The following PMVK variants were observed in gnomAD, a reference collection of about 807,000 sequenced individuals.
PMVK encodes the protein phosphomevalonate kinase.
In PMVK, 10 loss-of-function variants were observed where a neutral mutation model predicts 19.0. The ratio of observed to expected loss-of-function variants is 0.53; its 90% CI spans 0.32 to 0.89. PMVK has a LOEUF of 0.89. Among genes scored for constraint, PMVK ranks in the 40% least tolerant of loss-of-function variants. The probability of loss-of-function intolerance (pLI) is 0.03; values close to 1 mark genes in which losing one functional copy is unlikely to be tolerated. For missense variants in PMVK, 222 were observed against 251.1 expected, an observed-to-expected ratio of 0.88 and a Z score of 0.78; for synonymous variants, 108 against 101.6, an observed-to-expected ratio of 1.06 and a Z score of -0.38.
At chr1:154,939,279 G>T (rs186639829), upstream of PMVK, among the ~76,000 whole-genome samples, 1 of 152,020 alleles carries the variant, frequency 6.6e-6, no homozygotes, top group African/African-American at 2.4e-5. Context: ...AACCCTCCAA[G>T]GTCACTTGCT....
At chr1:154,939,688 G>C (rs1265625798), upstream of PMVK, among the ~76,000 whole-genome samples, 1 of 138,626 alleles carries the variant, frequency 7.2e-6, no homozygotes, top group African/African-American at 2.8e-5. Flanking sequence ...CTGAACAACA[G>C]AGCGAGACTC....
chr1:154,925,009 A>G lies in PMVK; in HGVS notation c.*120T>C. On this transcript the variant is annotated 3_prime_UTR_variant, in exon 5 of 5. Transcript: ENST00000368467. The stretch of plus-strand genomic sequence containing the variant: ...TTGCCCAATATCCACCAACCCCCTC[A>G]GAATCTAGACCCCCCCTGTCTGTTC... 1 of 422,614 alleles carries G rather than the reference A, an allele frequency of 2.4e-6. No homozygotes were observed. The highest frequency in any genetic ancestry group is 3.9e-6 in the Non-Finnish European group (1 of 258,306). 26.2% of individuals were successfully genotyped at this position (422,614 alleles called of 1,614,324 possible). A position where few individuals can be genotyped will look rare whatever the true frequency, so the allele number is the denominator to read the frequency against.
upstream of PMVK, among the ~76,000 whole-genome samples, chr1:154,940,452 A>G (rs1368410497): frequency 1.3e-5 from 2 of 152,164 alleles, no homozygotes; most frequent in African/African-American, 4.8e-5. Flanking sequence ...CACCCCTCCC[A>G]TTTCCTACAG....
chr1:154,931,296 A>G (rs937041646), intron 2 of PMVK, among the ~76,000 whole-genome samples: 1 of 152,254 alleles, frequency 6.6e-6, no homozygotes, highest in Non-Finnish European at 1.5e-5. Flanking sequence ...ACGTCCCAGA[A>G]GGGTGCACCT....
In PMVK at chr1:154,935,144, G is replaced by A. The variant is rs1024759450; in HGVS notation, c.95+1447C>T. On this transcript the variant is annotated intron_variant, in intron 1 of 4. Transcript: ENST00000368467. Reference sequence around the variant, plus strand: ...AAGATCACACACTAATCAACAGTGAGCCAGGGTTTGCATCCCAGCAGTCTA... The same window carrying A: ...AAGATCACACACTAATCAACAGTGAACCAGGGTTTGCATCCCAGCAGTCTA... 6.0e-5 allele frequency among the ~76,000 whole-genome samples: 9 copies of A among 151,146 alleles called. No individual in the cohort carries two copies. The South Asian group carries it at 1.7e-3, about 28-fold the overall frequency.
chr1:154,926,741 G>A (rs115136033), intron 3 of PMVK, among the ~76,000 whole-genome samples: 277 of 152,332 alleles, frequency 1.8e-3, no homozygotes, highest in Admixed American at 3.3e-3. Flanking sequence ...AGTACCTACT[G>A]TACGCTGGTC....
At chr1:154,941,842 G>A in the PMVK span, among the ~76,000 whole-genome samples, 3 of 152,290 alleles carry the variant, frequency 2.0e-5, no homozygotes, top group Non-Finnish European at 2.9e-5. Flanking sequence ...AGCAGGAGAC[G>A]GGGGAGATCC....
At chr1:154,938,306 G>A (rs1478709339), upstream of PMVK, among the ~76,000 whole-genome samples, 2 of 152,118 alleles carry the variant, frequency 1.3e-5, no homozygotes. Flanking sequence ...CCTAGTGAGC[G>A]ATCAGAAAAC....
At chr1:154,925,357 C>T (rs1290468611) in intron 4 of PMVK, 92 bp from the exon 5 acceptor site, 38 of 1,379,300 alleles carry the variant, frequency 2.8e-5, no homozygotes, top group Non-Finnish European at 3.5e-5. Context: ...TGGGCCCTCC[C>T]GGCCTCTCCT....
At chr1:154,939,540 A>C (rs1228301950), upstream of PMVK, among the ~76,000 whole-genome samples, 2 of 151,480 alleles carry the variant, frequency 1.3e-5, no homozygotes, top group African/African-American at 2.4e-5. Flanking sequence ...AAAAAAAAAA[A>C]AACAAAACAG....
At chr1:154,926,758 C>G (rs966820853) in intron 3 of PMVK, among the ~76,000 whole-genome samples, 2 of 152,164 alleles carry the variant, frequency 1.3e-5, no homozygotes, top group Non-Finnish European at 2.9e-5. Context: ...GGTCACTGTG[C>G]TAGGTGCTAA....
At chr1:154,929,218 C>T in intron 2 of PMVK, 42 bp from the exon 3 acceptor site, 1 of 1,600,560 alleles carries the variant, frequency 6.2e-7, no homozygotes. Flanking sequence ...GCCTTTCAAC[C>T]TCAGTGGTCT....
upstream of PMVK, among the ~76,000 whole-genome samples, chr1:154,938,300 G>C (rs1198540758): frequency 4.6e-5 from 7 of 152,288 alleles, no homozygotes; most frequent in East Asian, 1.4e-3. Context: ...TGAATACCTA[G>C]TGAGCGATCA....
intron 3 of PMVK, among the ~76,000 whole-genome samples, chr1:154,927,411 G>A (rs1042378037): frequency 4.7e-5 from 6 of 127,640 alleles, no homozygotes; most frequent in Admixed American, 9.8e-5. Flanking sequence ...TCGCGCCACC[G>A]CACTCCAGCC....
At chr1:154,941,524 G>A (rs1571389959), upstream of PMVK, among the ~76,000 whole-genome samples, 2 of 152,202 alleles carry the variant, frequency 1.3e-5, no homozygotes, top group Non-Finnish European at 2.9e-5. Flanking sequence ...AACATCTGTG[G>A]CCCAGAACCA....
the PMVK span, among the ~76,000 whole-genome samples, chr1:154,942,179 A>AGCCAAGTGCTAAAAAT: frequency 6.6e-6 from 1 of 152,180 alleles, no homozygotes; most frequent in African/African-American, 2.4e-5. Flanking sequence ...AAAGGCAGAA[A>AGCCAAGTGCTAAAAAT]GCCAAGTGCT....
chr1:154,935,784 G>A (rs115965048), intron 1 of PMVK, among the ~76,000 whole-genome samples: 4,767 of 152,252 alleles, frequency 0.031, 250 homozygotes, highest in African/African-American at 0.11. Context: ...GTAGCCCCCA[G>A]GTTCAAGCGA....
chr1:154,932,108 G>C (rs1233659048), intron 2 of PMVK, among the ~76,000 whole-genome samples: 1 of 152,186 alleles, frequency 6.6e-6, no homozygotes, highest in African/African-American at 2.4e-5. Context: ...CTGCCAACTC[G>C]AGTGTCGACA....
At chr1:154,942,485 A>G in the PMVK span, among the ~76,000 whole-genome samples, 1 of 152,224 alleles carries the variant, frequency 6.6e-6, no homozygotes, top group African/African-American at 2.4e-5. Context: ...GTGGCCTGTG[A>G]TGAGTGCGAG....
Sources: gnomAD v4.1 joint callset for allele counts (sites outside exome capture counted in the v4.1 genomes callset) on GRCh38, gnomAD v4.1.1 for gene constraint, MANE v1.5 for transcripts, NCBI Gene and HGNC (gene_info 2026-07-23, HGNC 2026-07-21) for gene names.